HOXB3: variants seen among roughly 807,000 people sequenced by gnomAD.
HOXB3 encodes homeobox protein Hox-B3.
Under a neutral mutation model 29.2 loss-of-function variants are expected in HOXB3, and 17 were observed. That is an observed-to-expected ratio of 0.58 (90% CI 0.40 to 0.87). HOXB3 has a LOEUF of 0.87. Among genes scored for constraint, HOXB3 ranks in the 40% least tolerant of loss-of-function variants. HOXB3 has a pLI of 0.00. For missense variants in HOXB3, 637 were observed against 616.3 expected, an observed-to-expected ratio of 1.03 and a Z score of -0.35; for synonymous variants, 317 against 285.9, an observed-to-expected ratio of 1.11 and a Z score of -1.10.
At chr17:48,568,465 T>C (rs569385913) in intron 2 of HOXB3, among the ~76,000 whole-genome samples, 1 of 152,242 alleles carries the variant, frequency 6.6e-6, no homozygotes, top group African/African-American at 2.4e-5. Context: ...TCGTCTGAAA[T>C]AACCAACTCC....
rs754243329 is a variant in HOXB3 at position 48,552,358 on chromosome 17, G to C, written c.117C>G (p.Ala39=). Residue 39 remains alanine (A), a synonymous_variant, in exon 4 of 5, where the codon GCC becomes GCG. Transcript: ENST00000498678. ...GGTAGTCGCCCTCCAGGTGCGTGGC[G>C]GCCTGAAATGGGGGTTGGGGGGGGA... ...FDVPPQPPFQ[A]ATHLEGDYQR... is the part of the protein sequence containing the mutation. The C allele has an allele frequency of 3.1e-6, 5 of 1,613,816 alleles. No individual in the cohort carries two copies. The highest frequency in any genetic ancestry group is 3.4e-6 in the Non-Finnish European group (4 of 1,179,914).
Position 48,574,004 on chromosome 17 carries a change from A to G in HOXB3, c.-414T>C, listed in dbSNP as rs1295377126. The stretch of plus-strand genomic sequence containing the variant: ...ACTTTTTTCCCCCAACAGCCGGTCC[A>G]AGGAGATTTGCTGTTGAATAATAAC... On this transcript the variant is annotated 5_prime_UTR_variant, in exon 2 of 5. Transcript: ENST00000498678. 22 of 647,164 alleles carry G rather than the reference A, an allele frequency of 3.4e-5. No individual in the cohort carries two copies. The highest frequency in any genetic ancestry group is 5.1e-5 in the Admixed American group (2 of 39,182). 40.1% of individuals were successfully genotyped at this position (647,164 alleles called of 1,614,324 possible).
chr17:48,571,875 A>G (rs2069595955), intron 2 of HOXB3, among the ~76,000 whole-genome samples: 2 of 152,206 alleles, frequency 1.3e-5, no homozygotes, highest in African/African-American at 2.4e-5. Flanking sequence ...AGAGTCCCCA[A>G]ATGTCAAGAA....
chr17:48,582,359 C>A (rs370519557), intron 1 of HOXB3: 1 of 152,244 alleles, frequency 6.6e-6, no homozygotes, highest in Non-Finnish European at 1.5e-5. Context: ...GCTGAGCTCT[C>A]TCCTGTCCAC....
chr17:48,589,521 T>G (rs1462792398), intron 1 of HOXB3, among the ~76,000 whole-genome samples: 1 of 152,190 alleles, frequency 6.6e-6, no homozygotes, highest in Admixed American at 6.5e-5. Context: ...AAAGCAGCGC[T>G]GTGCTCCCCA....
At chr17:48,582,134 G>C (rs2069957800) in intron 1 of HOXB3, 1 of 152,288 alleles carries the variant, frequency 6.6e-6, no homozygotes, top group South Asian at 2.1e-4. Context: ...TGCCCAGTCC[G>C]CTAGGAATCA....
At chr17:48,562,493 C>T (rs1042755398) in intron 2 of HOXB3, among the ~76,000 whole-genome samples, 2 of 152,192 alleles carry the variant, frequency 1.3e-5, no homozygotes, top group Admixed American at 1.3e-4. Flanking sequence ...CTGTGCTGGG[C>T]TCCAGGTCTC....
intron 2 of HOXB3, among the ~76,000 whole-genome samples, chr17:48,563,566 T>C (rs2069276626): frequency 6.6e-6 from 1 of 152,164 alleles, no homozygotes; most frequent in Non-Finnish European, 1.5e-5. Flanking sequence ...CTATTCTCCC[T>C]CATCTGGGAA....
intron 2 of HOXB3, among the ~76,000 whole-genome samples, chr17:48,567,883 A>C (rs1164145817): frequency 6.6e-6 from 1 of 152,164 alleles, no homozygotes; most frequent in East Asian, 1.9e-4. Flanking sequence ...GTTAGCCAGG[A>C]GGGTGGGGAG....
Position 48,552,611 on chromosome 17 carries a change from G to A in HOXB3, c.-137C>T, listed in dbSNP as rs1451714927. On this transcript the variant is annotated 5_prime_UTR_variant, in exon 4 of 5. Transcript: ENST00000498678. Reference sequence around the variant, plus strand: ...CTCCCCTCTCTGCCCCCCTCCTCCGGGGTCTGTTCCAAGCGGCTGACCTGC... The same window carrying A: ...CTCCCCTCTCTGCCCCCCTCCTCCGAGGTCTGTTCCAAGCGGCTGACCTGC... 3.3e-6 allele frequency: 2 copies of A among 605,378 alleles called. No homozygotes were observed. The highest frequency in any genetic ancestry group is 2.8e-5 in the African/African-American group (1 of 35,370). The allele number at this position is 605,378 out of a possible 1,614,324, so 37.5% of individuals were successfully genotyped here.
At chr17:48,556,562 A>C (rs9896431) in intron 2 of HOXB3, 83,495 of 145,796 alleles carry the variant, frequency 0.57, 24,778 homozygotes, top group East Asian at 0.77. Context: ...AAAAAAAAAA[A>C]AAAAAAAAAA....
At chr17:48,581,225 T>G (rs1444738745) in intron 1 of HOXB3, 1 of 152,198 alleles carries the variant, frequency 6.6e-6, no homozygotes, top group African/African-American at 2.4e-5. Context: ...CCCTCTGATT[T>G]TCTTTTAATC....
intron 2 of HOXB3, among the ~76,000 whole-genome samples, chr17:48,572,000 CTCTCTT>C (rs555149591): frequency 1.2e-3 from 188 of 152,322 alleles, no homozygotes; most frequent in African/African-American, 3.9e-3. Flanking sequence ...CTGTATCTGT[CTCTCTT>C]TCTCTTTCTC....
At chr17:48,582,606 G>A (rs982195270) in intron 1 of HOXB3, 6 of 152,162 alleles carry the variant, frequency 3.9e-5, no homozygotes, top group African/African-American at 1.4e-4. Flanking sequence ...CCTCCCCCAC[G>A]AGCAGGCAGT....
Position 48,551,017 on chromosome 17 carries a change from T to C in HOXB3, c.613A>G (p.Lys205Glu), listed in dbSNP as rs2068713024. 1.9e-6 allele frequency: 3 copies of C among 1,612,018 alleles called. No individual in the cohort carries two copies. The highest frequency in any genetic ancestry group is 2.5e-6 in the Non-Finnish European group (3 of 1,178,652). Residue 205 changes from lysine to glutamate, a missense_variant, in exon 5 of 5, where the codon AAG becomes GAG. Coordinates refer to ENST00000498678, the MANE Select transcript of HOXB3 (RefSeq NM_001384749.1). The part of the protein sequence containing the change: ...YTSAQLVELE[K>E]EFHFNRYLCR... ...AGGTAGCGGTTAAAATGGAACTCCT[T>C]CTCCAGCTCCACCAGCTGCGCGCTC...
At position 48,550,552 on chromosome 17, in the gene HOXB3, C is replaced by G. The variant is rs538675287; in HGVS notation, c.1078G>C (p.Asp360His). 1.3e-6 allele frequency: 2 copies of G among 1,523,202 alleles called. No homozygotes were observed. The highest frequency in any genetic ancestry group is 2.8e-5 in the African/African-American group (2 of 71,996). The allele number at this position is 1,523,202 out of a possible 1,614,324, so 94.4% of individuals were successfully genotyped here. The part of the protein sequence containing the change: ...PVYVGGGGYA[D>H]PLPPPAGPSL... The stretch of plus-strand genomic sequence containing the variant: ...GGGCCGGCAGGGGGCGGCAGCGGAT[C>G]CGCGTAGCCGCCCCCGCCCACGTAC... The change falls in exon 5 of 5, where the codon GAT (aspartate) becomes CAT (histidine). Residue 360 changes from aspartate (D) to histidine (H), a missense_variant. Transcript: ENST00000498678.
intron 2 of HOXB3, among the ~76,000 whole-genome samples, chr17:48,572,020 G>A (rs996831623): frequency 1.3e-5 from 2 of 152,100 alleles, no homozygotes; most frequent in South Asian, 4.1e-4. Flanking sequence ...CTTTCTCTTT[G>A]TCTCTGTCTC....
chr17:48,566,543 G>A (rs1048464941), intron 2 of HOXB3, among the ~76,000 whole-genome samples: 1 of 152,048 alleles, frequency 6.6e-6, no homozygotes, highest in Non-Finnish European at 1.5e-5. Context: ...AGGGGAGATG[G>A]AAAAGGGTTG....
Position 48,552,018 on chromosome 17 carries a change from A to G in HOXB3, c.448+9T>C. ...AAAGCTGAGGACAAGGAAGGCAGAG[A>G]ACTGGTACCTGTGCCGGGGGAGTTG... On this transcript the variant is annotated intron_variant, in intron 4 of 4. Coordinates refer to ENST00000498678, the MANE Select transcript of HOXB3 (RefSeq NM_001384749.1). The G allele has an allele frequency of 6.4e-7, 1 of 1,555,878 alleles. No homozygotes were observed. The highest frequency in any genetic ancestry group is 8.7e-7 in the Non-Finnish European group (1 of 1,146,108).
Sources: gnomAD v4.1 joint callset for allele counts (sites outside exome capture counted in the v4.1 genomes callset) on GRCh38, gnomAD v4.1.1 for gene constraint, MANE v1.5 for transcripts, NCBI Gene and HGNC (gene_info 2026-07-23, HGNC 2026-07-21) for gene names.